Variants in MARK3 observed in about 807,000 individuals in gnomAD.
The protein encoded by MARK3 is MAP/microtubule affinity-regulating kinase 3.
MARK3 carries 46 observed loss-of-function variants against 90.1 expected under a neutral mutation model. The ratio of observed to expected loss-of-function variants is 0.51; its 90% confidence interval spans 0.40 to 0.65. MARK3 has a LOEUF of 0.65. Among genes scored for constraint, MARK3 ranks in the 30% least tolerant of loss-of-function variants. The pLI, the probability that MARK3 is intolerant of heterozygous loss-of-function variation, is 0.00. For missense variants in MARK3, 818 were observed against 947.2 expected (o/e 0.86, Z 1.79); for synonymous variants, 321 against 332.6 (o/e 0.97, Z 0.38).
rs375699767 is a variant in MARK3, at chr14:103,451,926, T to C, written c.355T>C (p.Phe119Leu). ...ILNHPNIVKL[F>L]EVIETEKTLY... ...CCTCTCCTCTCCCGCAGTGAAGTTATTCGAAGTCATTGAAACTGAAAAAAC... is the reference window on the plus strand; with the variant it reads ...CCTCTCCTCTCCCGCAGTGAAGTTACTCGAAGTCATTGAAACTGAAAAAAC... The change falls in exon 5 of 18, where the codon TTC becomes CTC. Residue 119 changes from phenylalanine to leucine, a missense_variant. This residue lies in a region of MARK3 where 157 missense variants were observed against 158.7 expected (regional missense o/e 0.99). Transcript: ENST00000429436. 1.9e-6 allele frequency: 3 copies of C among 1,611,720 alleles called. No homozygotes were observed. Among genetic ancestry groups the C allele is most frequent in the South Asian group, 2.2e-5 (2 of 90,760 alleles).
chr14:103,472,211 A>AG (rs1206902565), intron 12 of MARK3, among the ~76,000 whole-genome samples: 1 of 146,152 alleles, frequency 6.8e-6, no homozygotes, highest in Non-Finnish European at 1.5e-5. Context: ...CTCCGTCTCA[A>AG]AAAAAAAAAA....
At chr14:103,446,390 G>A (rs956094206) in intron 3 of MARK3, among the ~76,000 whole-genome samples, 1 of 152,082 alleles carries the variant, frequency 6.6e-6, no homozygotes, top group African/African-American at 2.4e-5. Flanking sequence ...GCCAGGCATG[G>A]TGGGACCTAC....
At chr14:103,453,865 G>A (rs2093213198) in intron 5 of MARK3, among the ~76,000 whole-genome samples, 1 of 152,212 alleles carries the variant, frequency 6.6e-6, no homozygotes, top group Admixed American at 6.5e-5. Flanking sequence ...AGGAAATGGA[G>A]GCTGGGAAGT....
In MARK3 at chr14:103,475,184, C is replaced by T. The variant is rs202148764; in HGVS notation, c.1456C>T (p.Arg486Cys). 7.1e-5 allele frequency: 114 copies of T among 1,613,504 alleles called. No individual in the cohort carries two copies. Among genetic ancestry groups the T allele is most frequent in the East Asian group, 4.0e-4 (18 of 44,872 alleles). ...TCCTAATAAGGCGGATATTCCTGAA[C>T]GCAAGAAAAGCTCCACTGTCCCTAG... ...SNPNKADIPE[R>C]KKSSTVPSSN... is the part of the protein sequence containing the mutation. The change falls in exon 13 of 18, where the codon CGC becomes TGC. Residue 486 changes from arginine to cysteine, a missense_variant. Around this residue, in one of 3 missense-constraint regions of MARK3, gnomAD observed 560 missense variants for 613.5 expected, o/e 0.91. Transcript: ENST00000429436.
At chr14:103,457,097 C>T (rs1435193025) in intron 5 of MARK3, 45 bp from the exon 6 acceptor site, 1 of 1,185,318 alleles carries the variant, frequency 8.4e-7, no homozygotes, top group South Asian at 1.3e-5. Context: ...AAAATTAATA[C>T]TCAGAAGTAG....
At chr14:103,424,542 A>AAAAC (rs1555379646) in intron 2 of MARK3, among the ~76,000 whole-genome samples, 4 of 150,772 alleles carry the variant, frequency 2.7e-5, no homozygotes, top group South Asian at 4.2e-4. Context: ...AAAAAACAAA[A>AAAAC]AAAAGAATCT....
At chr14:103,445,719 CTT>C (rs1025962388) in intron 3 of MARK3, among the ~76,000 whole-genome samples, 19 of 152,334 alleles carry the variant, frequency 1.2e-4, no homozygotes, top group African/African-American at 4.3e-4. Context: ...AAAGCCAAAT[CTT>C]TTGAATTCCT....
Position 103,427,497 on chromosome 14 carries a change from C to CAAAAAAA in MARK3, c.244-880_244-874dup, listed in dbSNP as rs71126021. ...CCTAGGCAACAGAGGGAGACTGTTT[C>CAAAAAAA]AAAAAAAAAAAAAAAAGAAACAAAA... On this transcript the variant is annotated intron_variant, in intron 2 of 17. Coordinates refer to ENST00000429436, the MANE Select transcript of MARK3 (RefSeq NM_001128918.3). 5.9e-3 allele frequency among the ~76,000 whole-genome samples: 659 copies of CAAAAAAA among 110,774 alleles called. 12 individuals carry two copies. The highest frequency in any genetic ancestry group is 0.02 in the African/African-American group (596 of 30,548). 72.7% of individuals were successfully genotyped at this position (110,774 alleles called of 152,430 possible). A position where few individuals can be genotyped will look rare whatever the true frequency, so the allele number is the denominator to read the frequency against.
intron 15 of MARK3, among the ~76,000 whole-genome samples, chr14:103,494,289 C>A (rs4900580): frequency 6.9e-6 from 1 of 145,552 alleles, no homozygotes; most frequent in Admixed American, 6.9e-5. Context: ...TGGTGGCTCA[C>A]GCCTGTAATC....
At chr14:103,474,290 C>T (rs943079683) in intron 12 of MARK3, among the ~76,000 whole-genome samples, 1 of 152,206 alleles carries the variant, frequency 6.6e-6, no homozygotes, top group African/African-American at 2.4e-5. Flanking sequence ...TTATCATGTT[C>T]ATTTCCAAGA....
At chr14:103,491,616 C>A in intron 14 of MARK3, 161 bp from the exon 15 acceptor site, 1 of 646,450 alleles carries the variant, frequency 1.5e-6, no homozygotes, top group Non-Finnish European at 2.6e-6. Flanking sequence ...CTTTTGGTAC[C>A]CTTTCCCACT....
At chr14:103,471,468 T>A (rs77714559) in intron 12 of MARK3, among the ~76,000 whole-genome samples, 1 of 152,226 alleles carries the variant, frequency 6.6e-6, no homozygotes, top group African/African-American at 2.4e-5. Flanking sequence ...GTCCAAGCCC[T>A]GTGTTTTTTC....
intron 3 of MARK3, among the ~76,000 whole-genome samples, chr14:103,447,921 T>G (rs1322255024): frequency 6.6e-6 from 1 of 152,106 alleles, no homozygotes; most frequent in African/African-American, 2.4e-5. Context: ...TACAGACACA[T>G]GCTACTGCAC....
chr14:103,391,231 C>T (rs546522072), intron 1 of MARK3, among the ~76,000 whole-genome samples: 3 of 152,200 alleles, frequency 2.0e-5, no homozygotes, highest in Admixed American at 6.5e-5. Context: ...AAGAATTACC[C>T]GGCCTAAAAT....
intron 1 of MARK3, among the ~76,000 whole-genome samples, chr14:103,404,682 A>G (rs767873189): frequency 6.6e-6 from 1 of 152,156 alleles, no homozygotes; most frequent in Non-Finnish European, 1.5e-5. Flanking sequence ...ATGTGGCTGT[A>G]TCCTTATCTA....
intron 2 of MARK3, chr14:103,412,819 A>G (rs930679853): frequency 2.2e-5 from 8 of 366,682 alleles, no homozygotes; most frequent in Admixed American, 1.5e-4. Context: ...TAAATTATTA[A>G]TAGTTTGGGA....
At chr14:103,397,815 C>T (rs1237753869) in intron 1 of MARK3, among the ~76,000 whole-genome samples, 1 of 152,136 alleles carries the variant, frequency 6.6e-6, no homozygotes, top group African/African-American at 2.4e-5. Flanking sequence ...TATTCATATT[C>T]TTAGATGCTT....
At chr14:103,466,120 A>G (rs758269619) in intron 9 of MARK3, 29 bp downstream of exon 9, 4 of 1,611,116 alleles carry the variant, frequency 2.5e-6, no homozygotes, top group Non-Finnish European at 3.4e-6. Flanking sequence ...ACAAGCAGTA[A>G]CTTTGGAGAG....
At chr14:103,388,461 A>G (rs1172935273) in intron 1 of MARK3, among the ~76,000 whole-genome samples, 1 of 152,172 alleles carries the variant, frequency 6.6e-6, no homozygotes, top group Admixed American at 6.5e-5. Flanking sequence ...CTTCCTGCCA[A>G]TTGAGTGGTG....
Sources: allele counts gnomAD v4.1 joint callset (sites outside exome capture counted in the v4.1 genomes callset), GRCh38; gene constraint gnomAD v4.1.1; regional missense constraint gnomAD v4.1.1; transcripts MANE v1.5; gene names NCBI Gene and HGNC (gene_info 2026-07-23, HGNC 2026-07-21).